The following NUP98 variants were observed in gnomAD, a reference collection of about 807,000 sequenced individuals.
The protein encoded by NUP98 is nuclear pore complex protein Nup98-Nup96.
A neutral mutation model predicts 191.9 loss-of-function variants in NUP98; 26 were observed. The ratio of observed to expected loss-of-function variants is 0.14; its 90% CI spans 0.10 to 0.19. The LOEUF (loss-of-function observed/expected upper bound fraction) is 0.19. NUP98 is among the 10% of genes least tolerant of loss of function. The probability of loss-of-function intolerance (pLI) is 1.00; values close to 1 mark genes in which losing one functional copy is unlikely to be tolerated. For synonymous variants in NUP98, 808 were observed against 778.4 expected (o/e 1.04, Z -0.63); for missense variants, 1,941 against 2,178.8 (o/e 0.89, Z 2.17).
At chr11:3,681,632 G>GT (rs1478316797) in intron 30 of NUP98, among the ~76,000 whole-genome samples, 1 of 151,966 alleles carries the variant, frequency 6.6e-6, no homozygotes, top group Non-Finnish European at 1.5e-5. Context: ...TTCTGAGCAG[G>GT]TTTCAACAGT....
chr11:3,766,964 T>C (rs979322737), intron 8 of NUP98, among the ~76,000 whole-genome samples: 1 of 152,066 alleles, frequency 6.6e-6, no homozygotes, highest in African/African-American at 2.4e-5. Context: ...TGATCCTTTT[T>C]TGTTTGTTTG....
At chr11:3,749,059 A>G (rs2080627535) in intron 11 of NUP98, among the ~76,000 whole-genome samples, 2 of 152,088 alleles carry the variant, frequency 1.3e-5, no homozygotes, top group Admixed American at 1.3e-4. Flanking sequence ...CTGTAATCCC[A>G]GCACTTTGGG....
chr11:3,705,996 C>CAAAAAAAAAA (rs66628165), intron 21 of NUP98, among the ~76,000 whole-genome samples: 9 of 99,418 alleles, frequency 9.1e-5, no homozygotes, highest in Admixed American at 2.5e-4. Context: ...ACTAAAAATA[C>CAAAAAAAAAA]AAAAAAAAAA....
At chr11:3,686,264 T>G in intron 28 of NUP98, 70 bp from the exon 29 acceptor site, 1 of 1,364,100 alleles carries the variant, frequency 7.3e-7, no homozygotes, top group Non-Finnish European at 1.0e-6. Context: ...TCAACTGTTC[T>G]GCTTATGTCT....
In NUP98 at chr11:3,700,424, A is replaced by G. The variant is rs556828698; in HGVS notation, c.3742+186T>C. On this transcript the variant is annotated intron_variant, in intron 24 of 32. Coordinates refer to ENST00000324932, the MANE Select transcript of NUP98 (RefSeq NM_016320.5). ...TGTACATTAATGGGTAAAAGAACAA[A>G]GTGACAAGAACATAGTGACAATTTC... Among the ~76,000 whole-genome samples the G allele has an allele frequency of 8.5e-5, 13 of 152,352 alleles. No individual in the cohort carries two copies. The South Asian group carries it at 2.3e-3, about 27-fold the overall frequency.
intron 22 of NUP98, among the ~76,000 whole-genome samples, chr11:3,704,785 C>A (rs1235097028): frequency 6.6e-6 from 1 of 152,140 alleles, no homozygotes; most frequent in Admixed American, 6.6e-5. Flanking sequence ...GCAGGATGAT[C>A]AGTTGAGGCC....
intron 1 of NUP98, among the ~76,000 whole-genome samples, chr11:3,791,156 A>G (rs1275140061): frequency 1.3e-5 from 2 of 151,892 alleles, no homozygotes; most frequent in Non-Finnish European, 2.9e-5. Flanking sequence ...CAGCCTCCCA[A>G]AGTGCTGGGA....
chr11:3,761,518 C>T (rs9704062), intron 9 of NUP98, among the ~76,000 whole-genome samples: 13,906 of 152,000 alleles, frequency 0.091, 1,315 homozygotes, highest in African/African-American at 0.23. Flanking sequence ...CCAGCACTTT[C>T]GGAGTCCAAG....
intron 12 of NUP98, among the ~76,000 whole-genome samples, chr11:3,740,128 TA>T (rs748755321): frequency 2.0e-5 from 3 of 152,160 alleles, no homozygotes; most frequent in Non-Finnish European, 4.4e-5. Flanking sequence ...AAATGACGCG[TA>T]TCTACCTTGG....
At chr11:3,796,209 CTACTA>C (rs1400513993) in intron 1 of NUP98, among the ~76,000 whole-genome samples, 1 of 152,142 alleles carries the variant, frequency 6.6e-6, no homozygotes, top group Non-Finnish European at 1.5e-5. Flanking sequence ...TCACCTTATT[CTACTA>C]TAATACTTCA....
At chr11:3,791,122 C>T (rs2082327602) in intron 1 of NUP98, among the ~76,000 whole-genome samples, 1 of 151,944 alleles carries the variant, frequency 6.6e-6, no homozygotes, top group African/African-American at 2.4e-5. Flanking sequence ...GTCTCGATCT[C>T]CTGACCTTGT....
rs575425107 is a variant in NUP98, at chr11:3,723,514, G to C, written c.1848-59C>G. 246 of 1,428,694 alleles carry C rather than the reference G, an allele frequency of 1.7e-4. 4 individuals carry two copies. In the South Asian group the frequency reaches 2.9e-3, roughly 17 times the overall value. 88.5% of individuals were successfully genotyped at this position (1,428,694 alleles called of 1,614,324 possible). On this transcript the variant is annotated intron_variant, in intron 15 of 32. Transcript: ENST00000324932. The stretch of plus-strand genomic sequence containing the variant: ...TGTAGTAGTAATAACAATGATAATA[G>C]CTAACTAATACCGAGCCTTTACTAA...
At chr11:3,732,918 C>G in intron 13 of NUP98, among the ~76,000 whole-genome samples, 1 of 152,178 alleles carries the variant, frequency 6.6e-6, no homozygotes, top group South Asian at 2.1e-4. Flanking sequence ...AATGCTTGAC[C>G]TAGACTCGCC....
intron 20 of NUP98, 197 bp downstream of exon 20, chr11:3,712,352 AAACAGCAAGAGAATT>A: frequency 1.5e-6 from 2 of 1,372,662 alleles, no homozygotes; most frequent in Non-Finnish European, 1.9e-6. Context: ...GGAATAATCC[AAACAGCAAGAGAATT>A]CTTTAAATCT....
intron 14 of NUP98, among the ~76,000 whole-genome samples, chr11:3,726,923 G>A (rs2079643460): frequency 6.6e-6 from 1 of 151,698 alleles, no homozygotes; most frequent in Admixed American, 6.6e-5. Flanking sequence ...CATCATGTCT[G>A]GCTAATTAAA....
Position 3,699,234 on chromosome 11 carries a change from C to A in NUP98, c.3857G>T (p.Arg1286Ile). The A allele has an allele frequency of 6.2e-7, 1 of 1,614,204 alleles. No individual in the cohort carries two copies. The highest frequency in any genetic ancestry group is 8.5e-7 in the Non-Finnish European group (1 of 1,180,044). Residue 1286 changes from arginine (R) to isoleucine (I), a missense_variant, in exon 25 of 33, where the codon AGA becomes ATA. This residue lies in a region of NUP98 where 1,030 missense variants were observed against 1,115.8 expected (regional missense o/e 0.92). Transcript: ENST00000324932. ...GGATAGCCAGCGGGAGAAAGCTCTT[C>A]TTCGCTCCAGAATTTGAATGTATTC... ...PREYIQILERRRAFSRWLSCT... is the reference protein window; with the variant it reads ...PREYIQILERIRAFSRWLSCT...
intron 20 of NUP98, among the ~76,000 whole-genome samples, chr11:3,708,631 A>G (rs2078935623): frequency 6.6e-6 from 1 of 151,866 alleles, no homozygotes; most frequent in Non-Finnish European, 1.5e-5. Flanking sequence ...TAACTGCAAC[A>G]TACTCCCCAA....
chr11:3,795,412 C>A (rs754342207), intron 1 of NUP98, among the ~76,000 whole-genome samples: 2 of 152,162 alleles, frequency 1.3e-5, no homozygotes, highest in Non-Finnish European at 2.9e-5. Flanking sequence ...CGCCACTGCA[C>A]TCTAGCCTGG....
Position 3,723,588 on chromosome 11 carries a change from T to C in NUP98, c.1848-133A>G, listed in dbSNP as rs188649283. On this transcript the variant is annotated intron_variant, in intron 15 of 32. Transcript: ENST00000324932. The stretch of plus-strand genomic sequence containing the variant: ...TTCCATGTATTAAAAATTCACTTAA[T>C]ACTTACTACAGCAGTACTGTGAAAC... The C allele has an allele frequency of 7.5e-6, 5 of 668,686 alleles. No individual in the cohort carries two copies. In the Admixed American group the frequency reaches 1.4e-4, roughly 19 times the overall value. 41.4% of individuals were successfully genotyped at this position (668,686 alleles called of 1,614,324 possible).
Sources: gnomAD v4.1 joint callset for allele counts (sites outside exome capture counted in the v4.1 genomes callset) on GRCh38, gnomAD v4.1.1 for gene constraint, gnomAD v4.1.1 regional missense constraint, MANE v1.5 for transcripts, NCBI Gene and HGNC (gene_info 2026-07-23, HGNC 2026-07-21) for gene names.